The following CTNNA2 variants were observed in gnomAD, a reference collection of about 807,000 sequenced individuals.
The protein encoded by CTNNA2 is catenin alpha 2.
CTNNA2 carries 42 observed loss-of-function variants against 101.0 expected under a neutral mutation model. That is an observed-to-expected ratio of 0.42 (90% CI 0.32 to 0.54). The LOEUF is 0.54. CTNNA2 is among the 20% of genes least tolerant of loss of function. The pLI, the probability that CTNNA2 is intolerant of heterozygous loss-of-function variation, is 0.14. For synonymous variants in CTNNA2, 450 were observed against 456.4 expected (o/e 0.99, Z 0.18); for missense variants, 871 against 1,223.1 (o/e 0.71, Z 4.29).
At chr2:80,069,499 C>T (rs1698189978) in intron 7 of CTNNA2, among the ~76,000 whole-genome samples, 1 of 152,018 alleles carries the variant, frequency 6.6e-6, no homozygotes, top group Non-Finnish European at 1.5e-5. Context: ...ATGATACAAC[C>T]ATCCGCCATA....
chr2:79,687,748 C>A, intron 2 of CTNNA2: 2 of 483,518 alleles, frequency 4.1e-6, no homozygotes, highest in South Asian at 3.3e-5. Context: ...ATAAGATATC[C>A]CAAAATGCTG....
intron 1 of CTNNA2, chr2:79,514,529 T>C (rs1174870000): frequency 6.6e-6 from 1 of 152,232 alleles, no homozygotes; most frequent in Non-Finnish European, 1.5e-5. Context: ...TAATTTACCT[T>C]GCTCTCTTCA....
intron 2 of CTNNA2, among the ~76,000 whole-genome samples, chr2:79,312,006 T>C (rs1480172141): frequency 1.3e-5 from 2 of 151,918 alleles, no homozygotes; most frequent in African/African-American, 2.4e-5. Flanking sequence ...GCTCAACAGA[T>C]CCTTCTGCTT....
intron 9 of CTNNA2, among the ~76,000 whole-genome samples, chr2:80,488,162 G>C (rs916501395): frequency 1.6e-4 from 24 of 152,092 alleles, no homozygotes; most frequent in African/African-American, 4.8e-4. Context: ...TTTGGATAAT[G>C]GTTAAAAAAA....
chr2:80,209,892 T>C (rs1707778833), intron 7 of CTNNA2, among the ~76,000 whole-genome samples: 1 of 152,244 alleles, frequency 6.6e-6, no homozygotes, highest in Non-Finnish European at 1.5e-5. Flanking sequence ...AATATTGGTA[T>C]GCTTATTACA....
chr2:80,011,964 A>G (rs543431011), intron 7 of CTNNA2, among the ~76,000 whole-genome samples: 3 of 152,170 alleles, frequency 2.0e-5, no homozygotes, highest in Admixed American at 1.3e-4. Flanking sequence ...ACTTCAGTAC[A>G]ACTGAAGCAG....
chr2:80,616,043 A>G (rs3770357), intron 17 of CTNNA2, among the ~76,000 whole-genome samples: 86,475 of 151,454 alleles, frequency 0.57, 25,045 homozygotes, highest in East Asian at 0.66. Context: ...TTGTTTTATT[A>G]GTTTTCTCTG....
intron 12 of CTNNA2, among the ~76,000 whole-genome samples, chr2:80,567,953 C>T (rs182173375): frequency 6.6e-6 from 1 of 152,100 alleles, no homozygotes; most frequent in Non-Finnish European, 1.5e-5. Flanking sequence ...ATTTTCTTTT[C>T]TCTATGCTCC....
At chr2:79,423,762 G>A (rs193052357) in intron 4 of CTNNA2, among the ~76,000 whole-genome samples, 1 of 152,300 alleles carries the variant, frequency 6.6e-6, no homozygotes. Flanking sequence ...ACAGAATTAA[G>A]TTCCCACCAG....
At chr2:80,393,016 T>G (rs1387050285) in intron 7 of CTNNA2, among the ~76,000 whole-genome samples, 195 bp from the exon 8 acceptor site, 1 of 152,206 alleles carries the variant, frequency 6.6e-6, no homozygotes, top group African/African-American at 2.4e-5. Context: ...AACGTATTGG[T>G]CTTTATCAAT....
At chr2:80,084,119 A>G (rs77367347) in intron 7 of CTNNA2, among the ~76,000 whole-genome samples, 4,291 of 152,232 alleles carry the variant, frequency 0.028, 214 homozygotes, top group African/African-American at 0.097. Context: ...ACAAGTTAAA[A>G]GTCTCTTTCT....
intron 14 of CTNNA2, among the ~76,000 whole-genome samples, chr2:80,586,715 A>G (rs1266638654): frequency 6.6e-6 from 1 of 152,212 alleles, no homozygotes; most frequent in Non-Finnish European, 1.5e-5. Context: ...CTTTCAAGAT[A>G]TAGTATTTTA....
intron 17 of CTNNA2, among the ~76,000 whole-genome samples, chr2:80,612,362 C>G (rs1698535021): frequency 6.6e-6 from 1 of 151,494 alleles, no homozygotes. Flanking sequence ...ATGTTGGAAA[C>G]TGATAATATT....
chr2:79,701,863 A>T (rs1685023719), intron 2 of CTNNA2, among the ~76,000 whole-genome samples: 1 of 151,990 alleles, frequency 6.6e-6, no homozygotes, highest in Non-Finnish European at 1.5e-5. Flanking sequence ...TTGGCCAGGC[A>T]TGATGGTGCA....
At chr2:80,073,931 T>A (rs1698519329) in intron 7 of CTNNA2, among the ~76,000 whole-genome samples, 2 of 152,154 alleles carry the variant, frequency 1.3e-5, no homozygotes, top group Non-Finnish European at 2.9e-5. Context: ...AATCCTCTAT[T>A]TCTGATATTT....
At chr2:79,223,697 A>G (rs1674373709) in intron 2 of CTNNA2, among the ~76,000 whole-genome samples, 1 of 152,176 alleles carries the variant, frequency 6.6e-6, no homozygotes, top group Non-Finnish European at 1.5e-5. Context: ...AAAAATATAA[A>G]TGCAACATTA....
intron 2 of CTNNA2, among the ~76,000 whole-genome samples, chr2:79,301,742 C>T (rs1418743182): frequency 6.6e-6 from 1 of 152,108 alleles, no homozygotes; most frequent in African/African-American, 2.4e-5. Flanking sequence ...AGAGTCATCC[C>T]TCACCTGGCT....
chr2:79,374,311 C>T (rs1306113751), intron 4 of CTNNA2, among the ~76,000 whole-genome samples: 1 of 152,094 alleles, frequency 6.6e-6, no homozygotes, highest in Non-Finnish European at 1.5e-5. Context: ...GAAAGACATG[C>T]AAAGGGGCAT....
At chr2:79,772,291 C>G (rs1193815678) in intron 3 of CTNNA2, among the ~76,000 whole-genome samples, 1 of 152,212 alleles carries the variant, frequency 6.6e-6, no homozygotes, top group Admixed American at 6.5e-5. Flanking sequence ...ACTCCACTCC[C>G]CATCCCTGAA....
Sources: gnomAD v4.1 joint callset for allele counts (sites outside exome capture counted in the v4.1 genomes callset) on GRCh38, gnomAD v4.1.1 for gene constraint, MANE v1.5 for transcripts, NCBI Gene and HGNC (gene_info 2026-07-23, HGNC 2026-07-21) for gene names.